TARBP1: variants seen among roughly 807,000 people sequenced by gnomAD.
The protein encoded by TARBP1 is tRNA guanosine 2 -O-methyltransferase TARBP1.
Under a neutral mutation model 178.6 loss-of-function variants are expected in TARBP1, and 144 were observed. The ratio of observed to expected loss-of-function variants is 0.81; its 90% CI spans 0.70 to 0.93. TARBP1 has a LOEUF of 0.93. Ranked by LOEUF, TARBP1 falls within the 40% of genes least tolerant of loss-of-function variation. The pLI is 0.00. For synonymous variants in TARBP1, 787 were observed against 781.0 expected (o/e 1.01, Z -0.13); for missense variants, 2,067 against 2,011.7 (o/e 1.03, Z -0.53).
intron 13 of TARBP1, among the ~76,000 whole-genome samples, chr1:234,435,740 G>A (rs72763886): frequency 0.052 from 7,924 of 152,258 alleles, 262 homozygotes; most frequent in Middle Eastern, 0.099. Flanking sequence ...GAGCATTCCA[G>A]CCTGACAGCC....
At chr1:234,428,932 C>A (rs1664087116) in intron 17 of TARBP1, among the ~76,000 whole-genome samples, 1 of 152,174 alleles carries the variant, frequency 6.6e-6, no homozygotes. Flanking sequence ...GCAGATGTGG[C>A]TCCAGGCTAC....
Position 234,425,649 on chromosome 1 carries a change from T to A in TARBP1, c.3444+24A>T, listed in dbSNP as rs1558186241. On this transcript the variant is annotated intron_variant, in intron 20 of 29. Coordinates refer to ENST00000040877, the MANE Select transcript of TARBP1 (RefSeq NM_005646.4). The stretch of plus-strand genomic sequence containing the variant: ...GACCTCTGACTGTTAAAAACAAAGA[T>A]AATTTAAAGTAAAATACACTTACTT... The A allele has an allele frequency of 3.4e-6, 5 of 1,488,974 alleles. No homozygotes were observed. In the Admixed American group the frequency reaches 5.4e-5, roughly 16 times the overall value. 92.2% of individuals were successfully genotyped at this position (1,488,974 alleles called of 1,614,324 possible). A position where few individuals can be genotyped will look rare whatever the true frequency, so the allele number is the denominator to read the frequency against.
At chr1:234,456,282 C>A (rs1406479356) in intron 9 of TARBP1, among the ~76,000 whole-genome samples, 4 of 152,226 alleles carry the variant, frequency 2.6e-5, no homozygotes, top group Non-Finnish European at 5.9e-5. Context: ...CTCACTGCAA[C>A]CTCCGCCTCC....
Position 234,448,785 on chromosome 1 carries a change from C to T in TARBP1, c.1862-206G>A, listed in dbSNP as rs116514814. Among the ~76,000 whole-genome samples, 848 of 152,268 alleles carry T rather than the reference C, an allele frequency of 5.6e-3. 8 individuals carry two copies. The highest frequency in any genetic ancestry group is 0.019 in the African/African-American group (797 of 41,538). On this transcript the variant is annotated intron_variant, in intron 10 of 29. Transcript: ENST00000040877. ...CAGGAACAAAAAAGAAATTTGTGTGCCTGCTACATGCCATGCAATTACCTG... is the reference window on the plus strand; with the variant it reads ...CAGGAACAAAAAAGAAATTTGTGTGTCTGCTACATGCCATGCAATTACCTG...
Position 234,392,497 on chromosome 1 carries a change from G to A in TARBP1, c.4616C>T (p.Thr1539Ile). The change falls in exon 29 of 30, where the codon ACC (threonine) becomes ATC (isoleucine). Residue 1539 changes from threonine to isoleucine, a missense_variant. Thr to Ile is a moderately conservative substitution (Grantham distance 89). Coordinates refer to ENST00000040877, the MANE Select transcript of TARBP1 (RefSeq NM_005646.4). ...GGCAGTTTGTTCCACTCCAATGATGGTATAACCTTCTGTTTTCTTCTGCTG... is the reference window on the plus strand; with the variant it reads ...GGCAGTTTGTTCCACTCCAATGATGATATAACCTTCTGTTTTCTTCTGCTG... ...YLQQKKTEGY[T>I]IIGVEQTAKS... is the part of the protein sequence containing the mutation. 1 of 1,613,986 alleles carries A rather than the reference G, an allele frequency of 6.2e-7. No homozygotes were observed. The highest frequency in any genetic ancestry group is 2.2e-5 in the East Asian group (1 of 44,884).
chr1:234,454,625 CA>C (rs1667106743), intron 9 of TARBP1, among the ~76,000 whole-genome samples: 1 of 152,032 alleles, frequency 6.6e-6, no homozygotes, highest in African/African-American at 2.4e-5. Context: ...AATCAAAAAT[CA>C]AAATGAAACT....
intron 19 of TARBP1, among the ~76,000 whole-genome samples, chr1:234,426,564 A>G (rs924890344): frequency 3.9e-4 from 59 of 152,330 alleles, no homozygotes; most frequent in African/African-American, 1.4e-3. Flanking sequence ...AGAATAATAA[A>G]TACTTTATGA....
At chr1:234,469,983 T>C (rs984530064) in intron 3 of TARBP1, among the ~76,000 whole-genome samples, 7 of 152,212 alleles carry the variant, frequency 4.6e-5, no homozygotes, top group Non-Finnish European at 1.0e-4. Flanking sequence ...AGAGTGATTA[T>C]TGGCCAGGCA....
At chr1:234,462,773 A>G (rs1202623735) in intron 6 of TARBP1, among the ~76,000 whole-genome samples, 1 of 152,168 alleles carries the variant, frequency 6.6e-6, no homozygotes, top group Admixed American at 6.5e-5. Flanking sequence ...AAAAGTAATC[A>G]AAACAATCAA....
intron 12 of TARBP1, among the ~76,000 whole-genome samples, 170 bp downstream of exon 12, chr1:234,446,633 A>AAATTATATAATTTCTTAATATAT (rs6143677): frequency 0.29 from 42,393 of 146,374 alleles, 6,421 homozygotes; most frequent in Admixed American, 0.39. Context: ...TATTTTTCTT[A>AAATTATATAATTTCTTAATATAT]AATTATATAA....
intron 9 of TARBP1, 145 bp from the exon 10 acceptor site, chr1:234,450,711 T>A: frequency 2.2e-6 from 2 of 921,998 alleles, no homozygotes; most frequent in South Asian, 3.6e-5. Flanking sequence ...ACTATCATAC[T>A]TGAGTTCCAC....
Position 234,430,133 on chromosome 1 carries a change from G to C in TARBP1, c.2563C>G (p.His855Asp). The C allele has an allele frequency of 6.2e-7, 1 of 1,614,162 alleles. No individual in the cohort carries two copies. The highest frequency in any genetic ancestry group is 8.5e-7 in the Non-Finnish European group (1 of 1,180,026). Reference sequence around the variant, plus strand: ...GCATAACTGCTCTGCTCCTCTGCGTGGGGCTTCTGCAGCGTCTGATTGAGC... The same window carrying C: ...GCATAACTGCTCTGCTCCTCTGCGTCGGGCTTCTGCAGCGTCTGATTGAGC... ...LQLNQTLQKPHAEEQSSYAHP... is the reference protein window; with the variant it reads ...LQLNQTLQKPDAEEQSSYAHP... The change falls in exon 15 of 30, where the codon CAC (histidine) becomes GAC (aspartate). Residue 855 changes from histidine to aspartate, a missense_variant. By Grantham distance (81) the His-to-Asp change is moderately conservative (BLOSUM62 -1). Coordinates refer to ENST00000040877, the MANE Select transcript of TARBP1 (RefSeq NM_005646.4).
At chr1:234,448,923 T>G (rs1490653807) in intron 10 of TARBP1, among the ~76,000 whole-genome samples, 1 of 151,914 alleles carries the variant, frequency 6.6e-6, no homozygotes, top group Non-Finnish European at 1.5e-5. Flanking sequence ...GAATGAGAAG[T>G]ACATGGTGCT....
rs1057261066 is a variant in TARBP1, at chr1:234,467,654, T to G, written c.1100-4A>C. The G allele has an allele frequency of 6.4e-7, 1 of 1,570,330 alleles. No individual in the cohort carries two copies. Among genetic ancestry groups the G allele is most frequent in the East Asian group, 2.3e-5 (1 of 43,306 alleles). ...GATGGGTGAAAGAGCCAACATCCTG[T>G]GGAAACAAACATCAAATGTTGACAT... On this transcript the variant is annotated splice_polypyrimidine_tract_variant and splice_region_variant and intron_variant, in intron 3 of 29. Transcript: ENST00000040877.
chr1:234,456,842 A>T (rs1044322848), intron 9 of TARBP1, among the ~76,000 whole-genome samples: 1 of 152,186 alleles, frequency 6.6e-6, no homozygotes, highest in African/African-American at 2.4e-5. Context: ...ATGGTTCTAT[A>T]TTTTTCAAAT....
chr1:234,453,131 C>T (rs939827858), intron 9 of TARBP1, among the ~76,000 whole-genome samples: 5 of 152,138 alleles, frequency 3.3e-5, no homozygotes, highest in Admixed American at 6.5e-5. Context: ...TCTGTCAAAG[C>T]CCATGGAATG....
chr1:234,443,068 A>C (rs919211231), intron 12 of TARBP1, among the ~76,000 whole-genome samples: 1 of 152,116 alleles, frequency 6.6e-6, no homozygotes, highest in African/African-American at 2.4e-5. Context: ...AGGCAGGCGG[A>C]TCAGCTAAGG....
chr1:234,417,965 G>A (rs559852931), intron 22 of TARBP1, 119 bp downstream of exon 22: 1 of 514,794 alleles, frequency 1.9e-6, no homozygotes, highest in Non-Finnish European at 3.1e-6. Context: ...CATAACTTAT[G>A]ATGTCAATAC....
At chr1:234,413,696 C>T (rs1475739092) in intron 22 of TARBP1, among the ~76,000 whole-genome samples, 2 of 152,074 alleles carry the variant, frequency 1.3e-5, no homozygotes, top group South Asian at 4.1e-4. Flanking sequence ...GGTGGGGTCA[C>T]CTGTTGAAAT....
Sources: allele counts gnomAD v4.1 joint callset (sites outside exome capture counted in the v4.1 genomes callset), GRCh38; gene constraint gnomAD v4.1.1; transcripts MANE v1.5; gene names NCBI Gene and HGNC (gene_info 2026-07-23, HGNC 2026-07-21).